MACC1: variants seen among roughly 807,000 people sequenced by gnomAD.
MACC1 encodes metastasis-associated in colon cancer protein 1.
MACC1 carries 79 observed loss-of-function variants against 70.7 expected under a neutral mutation model. That is an observed-to-expected ratio of 1.12 (90% CI 0.93 to 1.35). The LOEUF is 1.35. Ranked by LOEUF, MACC1 falls within the 40% of genes most tolerant of loss-of-function variation. MACC1 has a pLI of 0.00. For synonymous variants in MACC1, 361 were observed against 347.2 expected (o/e 1.04, Z -0.44); for missense variants, 1,106 against 978.1 (o/e 1.13, Z -1.74).
intron 3 of MACC1, among the ~76,000 whole-genome samples, chr7:20,163,124 T>C (rs1438340330): frequency 6.6e-6 from 1 of 152,092 alleles, no homozygotes; most frequent in Middle Eastern, 3.2e-3. Flanking sequence ...ATTCTCTAAA[T>C]GAACATTTCT....
In MACC1 at chr7:20,159,880, C is replaced by T. The variant is rs987153598; in HGVS notation, c.481G>A (p.Asp161Asn). 1 of 1,614,062 alleles carries T rather than the reference C, an allele frequency of 6.2e-7. No individual in the cohort carries two copies. Among genetic ancestry groups the T allele is most frequent in the African/African-American group, 1.3e-5 (1 of 75,014 alleles). ...AHAHQSIHNSDQILLHDLEWL... is the reference protein window; with the variant it reads ...AHAHQSIHNSNQILLHDLEWL... ...TCTAAGTCGTGTAGTAGGATCTGGTCAGAGTTATGTATACTCTGATGGGCA... is the reference window on the plus strand; with the variant it reads ...TCTAAGTCGTGTAGTAGGATCTGGTTAGAGTTATGTATACTCTGATGGGCA... The change falls in exon 5 of 7, where the codon GAC (aspartate) becomes AAC (asparagine). Residue 161 changes from aspartate (D) to asparagine (N), a missense_variant. Coordinates refer to ENST00000400331, the MANE Select transcript of MACC1 (RefSeq NM_182762.4).
chr7:20,192,182 T>C (rs1419976192), intron 1 of MACC1, among the ~76,000 whole-genome samples: 3 of 152,202 alleles, frequency 2.0e-5, no homozygotes, highest in Non-Finnish European at 4.4e-5. Flanking sequence ...GTTAATGCTC[T>C]ACTTATATCT....
intron 1 of MACC1, among the ~76,000 whole-genome samples, chr7:20,209,907 A>G (rs1189536946): frequency 6.6e-6 from 1 of 152,012 alleles, no homozygotes; most frequent in Non-Finnish European, 1.5e-5. Flanking sequence ...TTCTCATGAG[A>G]TCTGATGCTT....
rs781045799 is a variant in MACC1, at chr7:20,158,769, G to A, written c.1592C>T (p.Pro531Leu). The A allele has an allele frequency of 5.6e-6, 9 of 1,614,014 alleles. No individual in the cohort carries two copies. The highest frequency in any genetic ancestry group is 1.6e-4 in the Middle Eastern group (1 of 6,062). The stretch of plus-strand genomic sequence containing the variant: ...TTTAACAAGAATTTTTGGTGATAAA[G>A]GAGCAGACTTGATTTCCTCCTTCTT... ...LQKKEEIKSA[P>L]LSPKILVKYP... is the part of the protein sequence containing the mutation. Residue 531 changes from proline to leucine, a missense_variant, in exon 5 of 7, where the codon CCT becomes CTT. Coordinates refer to ENST00000400331, the MANE Select transcript of MACC1 (RefSeq NM_182762.4).
In MACC1 at chr7:20,213,309, G is replaced by A. The variant is rs183461280; in HGVS notation, c.-218+3990C>T. Among the ~76,000 whole-genome samples, 7 of 152,292 alleles carry A rather than the reference G, an allele frequency of 4.6e-5. No homozygotes were observed. The East Asian group carries it at 7.7e-4, about 17-fold the overall frequency. On this transcript the variant is annotated intron_variant, in intron 1 of 6. Transcript: ENST00000400331. ...GGTGAGGTCGTAGAGAAAAAGGAAC[G>A]CTTATATGCCATTGGTGAGAGTGTA... is the stretch of plus-strand genomic sequence containing the variant.
rs555975343 is a variant in MACC1 at position 20,188,665 on chromosome 7, C to G, written c.-217-17887G>C. ...ATTTTTCTTCTCTCTCTCTCTAACA[C>G]CTTCTATTAATTTTCACCCATTCTC... is the stretch of plus-strand genomic sequence containing the variant. On this transcript the variant is annotated intron_variant, in intron 1 of 6. Coordinates refer to ENST00000400331, the MANE Select transcript of MACC1 (RefSeq NM_182762.4). Among the ~76,000 whole-genome samples the G allele has an allele frequency of 5.3e-5, 8 of 152,218 alleles. No homozygotes were observed. In the East Asian group the frequency reaches 1.5e-3, roughly 29 times the overall value.
intron 5 of MACC1, among the ~76,000 whole-genome samples, chr7:20,156,840 T>A (rs975951098): frequency 6.6e-6 from 1 of 152,214 alleles, no homozygotes; most frequent in African/African-American, 2.4e-5. Context: ...TTCTACTTCT[T>A]TTGCATCTTG....
At chr7:20,188,750 G>T (rs959583028) in intron 1 of MACC1, among the ~76,000 whole-genome samples, 1 of 152,106 alleles carries the variant, frequency 6.6e-6, no homozygotes, top group Non-Finnish European at 1.5e-5. Context: ...CAAAGTCACT[G>T]GTAAACTCTC....
chr7:20,216,631 C>T (rs1783074563), intron 1 of MACC1, among the ~76,000 whole-genome samples: 1 of 152,076 alleles, frequency 6.6e-6, no homozygotes, highest in African/African-American at 2.4e-5. Flanking sequence ...GGTGTGTTTT[C>T]CAAGCTTAAT....
intron 6 of MACC1, chr7:20,147,403 C>T (rs1781908786): frequency 6.6e-6 from 1 of 152,180 alleles, no homozygotes; most frequent in South Asian, 2.1e-4. Flanking sequence ...TAGTAATCCA[C>T]TTACTTCTCC....
At chr7:20,192,045 T>C (rs1782680374) in intron 1 of MACC1, among the ~76,000 whole-genome samples, 2 of 152,156 alleles carry the variant, frequency 1.3e-5, no homozygotes, top group African/African-American at 4.8e-5. Context: ...GTAATATATT[T>C]AATATAACTC....
At chr7:20,208,863 A>G (rs1486962574) in intron 1 of MACC1, among the ~76,000 whole-genome samples, 4 of 152,230 alleles carry the variant, frequency 2.6e-5, no homozygotes, top group Non-Finnish European at 5.9e-5. Flanking sequence ...CCACTGCTCT[A>G]TGCAACTTTG....
At chr7:20,160,319 C>T in intron 4 of MACC1, 74 bp from the exon 5 acceptor site, 2 of 1,448,736 alleles carry the variant, frequency 1.4e-6, no homozygotes, top group Non-Finnish European at 1.8e-6. Flanking sequence ...ATTAATTTTT[C>T]CCATAGCTTA....
rs535703374 is a variant in MACC1 at position 20,138,152 on chromosome 7, C to CAAAAAA, written c.*2788_*2793dup. Reference sequence around the variant, plus strand: ...TGGGCAACAGAGCCAGACTCTGGCTCAAAAAAAAAAAAAAAAAAAAAAAAA... The same window carrying CAAAAAA: ...TGGGCAACAGAGCCAGACTCTGGCTCAAAAAAAAAAAAAAAAAAAAAAAAAAAAAAA... On this transcript the variant is annotated 3_prime_UTR_variant, in exon 7 of 7. Transcript: ENST00000400331. 24 of 67,880 alleles carry CAAAAAA rather than the reference C, an allele frequency of 3.5e-4. No individual in the cohort carries two copies. Among genetic ancestry groups the CAAAAAA allele is most frequent in the African/African-American group, 9.9e-4 (22 of 22,198 alleles). The allele number at this position is 67,880 out of a possible 1,614,324, so 4.2% of individuals were successfully genotyped here.
rs1185720613 is a variant in MACC1, at chr7:20,167,630, C to A, written c.-153+3084G>T. On this transcript the variant is annotated intron_variant, in intron 2 of 6. Coordinates refer to ENST00000400331, the MANE Select transcript of MACC1 (RefSeq NM_182762.4). ...ATACTAGCAAACACATTTTTGAACTCTACACAACACTTTCTACCTATAGGT... is the reference window on the plus strand; with the variant it reads ...ATACTAGCAAACACATTTTTGAACTATACACAACACTTTCTACCTATAGGT... Among the ~76,000 whole-genome samples, 4 of 151,344 alleles carry A rather than the reference C, an allele frequency of 2.6e-5. No individual in the cohort carries two copies. The East Asian group carries it at 7.7e-4, about 29-fold the overall frequency.
At chr7:20,216,077 G>T (rs1783066011) in intron 1 of MACC1, among the ~76,000 whole-genome samples, 1 of 152,066 alleles carries the variant, frequency 6.6e-6, no homozygotes, top group African/African-American at 2.4e-5. Flanking sequence ...ATTAAGTTCA[G>T]GGGGGCATAA....
intron 2 of MACC1, among the ~76,000 whole-genome samples, chr7:20,166,196 C>A (rs1782215413): frequency 6.6e-6 from 1 of 152,120 alleles, no homozygotes. Flanking sequence ...CTGTATTTAA[C>A]TCTTGATCTA....
intron 1 of MACC1, among the ~76,000 whole-genome samples, chr7:20,180,314 G>T (rs1259117324): frequency 6.6e-6 from 1 of 151,670 alleles, no homozygotes; most frequent in South Asian, 2.1e-4. Flanking sequence ...GTGGTGGCAC[G>T]TGCCCGTAGT....
At chr7:20,151,044 T>C (rs2128101394) in intron 6 of MACC1, among the ~76,000 whole-genome samples, 1 of 146,064 alleles carries the variant, frequency 6.8e-6, no homozygotes, top group Middle Eastern at 3.4e-3. Flanking sequence ...CCAGACACTG[T>C]CTCAAAGGAG....
Sources: gnomAD v4.1 joint callset for allele counts (sites outside exome capture counted in the v4.1 genomes callset) on GRCh38, gnomAD v4.1.1 for gene constraint, MANE v1.5 for transcripts, NCBI Gene and HGNC (gene_info 2026-07-23, HGNC 2026-07-21) for gene names.